The following CTNNA3 variants were observed in gnomAD, a reference collection of about 807,000 sequenced individuals.
CTNNA3 encodes the protein catenin alpha-3.
CTNNA3 carries 76 observed loss-of-function variants against 95.7 expected under a neutral mutation model. The observed-to-expected ratio is 0.79, with a 90% CI of 0.66 to 0.96. CTNNA3 has a LOEUF of 0.96. Among genes scored for constraint, CTNNA3 ranks in the 40% least tolerant of loss-of-function variants. The probability of loss-of-function intolerance (pLI) is 0.00; values close to 1 mark genes in which losing one functional copy is unlikely to be tolerated. For synonymous variants in CTNNA3, 431 were observed against 374.4 expected, an observed-to-expected ratio of 1.15 and a Z score of -1.74; for missense variants, 1,191 against 1,089.8, an observed-to-expected ratio of 1.09 and a Z score of -1.31.
chr10:66,859,001 T>A (rs1301451816), intron 7 of CTNNA3, among the ~76,000 whole-genome samples: 1 of 152,066 alleles, frequency 6.6e-6, no homozygotes, highest in African/African-American at 2.4e-5. Context: ...TTTTAAAAAG[T>A]TATTTCATGT....
At chr10:67,575,975 T>C (rs1842129871) in intron 3 of CTNNA3, among the ~76,000 whole-genome samples, 1 of 152,148 alleles carries the variant, frequency 6.6e-6, no homozygotes, top group Admixed American at 6.5e-5. Flanking sequence ...TGAGCAAAGA[T>C]AGATTAGTAG....
intron 11 of CTNNA3, among the ~76,000 whole-genome samples, chr10:66,428,091 G>A (rs1024835587): frequency 5.3e-5 from 8 of 152,040 alleles, no homozygotes; most frequent in African/African-American, 1.9e-4. Flanking sequence ...AAAAAAGGCA[G>A]GGGTTGCAAT....
chr10:66,572,313 G>A (rs1842892481), intron 10 of CTNNA3, among the ~76,000 whole-genome samples: 1 of 151,762 alleles, frequency 6.6e-6, no homozygotes, highest in African/African-American at 2.4e-5. Flanking sequence ...AACCCGGGAG[G>A]CGGAGGTTAC....
At chr10:67,299,504 G>T (rs922117887) in intron 5 of CTNNA3, among the ~76,000 whole-genome samples, 1 of 152,182 alleles carries the variant, frequency 6.6e-6, no homozygotes, top group East Asian at 1.9e-4. Context: ...GAAGTTCTGA[G>T]TATTATTTCC....
At chr10:66,025,612 G>T (rs2079317908) in intron 15 of CTNNA3, among the ~76,000 whole-genome samples, 1 of 152,076 alleles carries the variant, frequency 6.6e-6, no homozygotes, top group Admixed American at 6.6e-5. Flanking sequence ...TGTATCAAAG[G>T]AGTAATTCAT....
chr10:67,208,504 A>C (rs1904641), intron 6 of CTNNA3, among the ~76,000 whole-genome samples: 7,342 of 152,208 alleles, frequency 0.048, 220 homozygotes, highest in South Asian at 0.11. Context: ...GCTAACATCA[A>C]AATCAGTGAC....
intron 5 of CTNNA3, among the ~76,000 whole-genome samples, chr10:67,417,492 G>C (rs1054660540): frequency 6.6e-6 from 1 of 152,024 alleles, no homozygotes; most frequent in African/African-American, 2.4e-5. Context: ...GCCTGGGGTG[G>C]GGGAAGGTAT....
chr10:66,960,035 A>G (rs2132766355), intron 7 of CTNNA3, among the ~76,000 whole-genome samples: 2 of 152,226 alleles, frequency 1.3e-5, no homozygotes, highest in African/African-American at 4.8e-5. Flanking sequence ...CAAGCCAGGT[A>G]TGTAAGTTTC....
At chr10:67,607,087 T>C (rs1272414192) in intron 2 of CTNNA3, 38 bp from the exon 3 acceptor site, 6 of 1,482,786 alleles carry the variant, frequency 4.0e-6, no homozygotes, top group Non-Finnish European at 5.6e-6. Context: ...AATTGACAAA[T>C]TGTAAGGAGA....
intron 3 of CTNNA3, among the ~76,000 whole-genome samples, chr10:67,606,220 C>G (rs1228094173): frequency 1.3e-5 from 2 of 152,088 alleles, no homozygotes. Flanking sequence ...ATTCCACTAA[C>G]CAAAGAATAT....
intron 7 of CTNNA3, among the ~76,000 whole-genome samples, chr10:67,060,501 T>C (rs1410872220): frequency 2.0e-5 from 3 of 152,188 alleles, no homozygotes; most frequent in African/African-American, 7.2e-5. Flanking sequence ...CATCAAATAT[T>C]CCAGTTAGTT....
chr10:66,179,899 G>T (rs2085946137), intron 13 of CTNNA3, among the ~76,000 whole-genome samples: 1 of 152,014 alleles, frequency 6.6e-6, no homozygotes, highest in Non-Finnish European at 1.5e-5. Flanking sequence ...TGTGGTCAGG[G>T]TATTTTATAG....
At chr10:66,049,534 A>T (rs1040535320) in intron 15 of CTNNA3, among the ~76,000 whole-genome samples, 1 of 152,234 alleles carries the variant, frequency 6.6e-6, no homozygotes, top group African/African-American at 2.4e-5. Context: ...CATGGCATGG[A>T]ATCAACCTAA....
intron 7 of CTNNA3, among the ~76,000 whole-genome samples, chr10:66,871,065 G>A (rs983841166): frequency 2.6e-5 from 4 of 152,136 alleles, no homozygotes; most frequent in African/African-American, 4.8e-5. Context: ...GTTTTGCTCT[G>A]CTGGTTTTGT....
At chr10:66,235,353 A>C (rs1363415256) in intron 13 of CTNNA3, among the ~76,000 whole-genome samples, 2 of 151,326 alleles carry the variant, frequency 1.3e-5, no homozygotes, top group African/African-American at 4.8e-5. Context: ...AATAACTATA[A>C]ATTTATTATT....
chr10:66,711,445 A>G (rs947516994), intron 9 of CTNNA3, among the ~76,000 whole-genome samples: 9 of 151,996 alleles, frequency 5.9e-5, no homozygotes, highest in Admixed American at 5.9e-4. Flanking sequence ...CCTCATTCAT[A>G]TGTCCCATTA....
chr10:67,190,329 C>T (rs1454043755), intron 6 of CTNNA3, among the ~76,000 whole-genome samples: 2 of 151,736 alleles, frequency 1.3e-5, no homozygotes, highest in Non-Finnish European at 2.9e-5. Context: ...ATTTTTAAAA[C>T]GAGCACACAA....
intron 1 of CTNNA3, among the ~76,000 whole-genome samples, chr10:67,677,596 C>T (rs1840557812): frequency 6.6e-6 from 1 of 152,130 alleles, no homozygotes; most frequent in Admixed American, 6.6e-5. Flanking sequence ...AAAAAGTCAG[C>T]TTGCACCCCC....
chr10:66,245,305 C>A (rs1049673908), intron 13 of CTNNA3, among the ~76,000 whole-genome samples: 1 of 152,216 alleles, frequency 6.6e-6, no homozygotes, highest in Admixed American at 6.5e-5. Context: ...ACACAAGGAA[C>A]TACAGAAACC....
Sources: gnomAD v4.1 joint callset for allele counts (sites outside exome capture counted in the v4.1 genomes callset) on GRCh38, gnomAD v4.1.1 for gene constraint, MANE v1.5 for transcripts, NCBI Gene and HGNC (gene_info 2026-07-23, HGNC 2026-07-21) for gene names.